Variants in GRID1 observed in about 807,000 individuals in gnomAD.
The protein encoded by GRID1 is glutamate receptor ionotropic, delta-1.
Under a neutral mutation model 98.0 loss-of-function variants are expected in GRID1, and 28 were observed. The observed-to-expected ratio is 0.29, with a 90% CI of 0.21 to 0.39. The LOEUF is 0.39. Among genes scored for constraint, GRID1 ranks in the 10% least tolerant of loss-of-function variants. GRID1 has a pLI of 1.00. For missense variants in GRID1, 1,111 were observed against 1,340.5 expected (o/e 0.83, Z 2.67); for synonymous variants, 553 against 538.5 (o/e 1.03, Z -0.37).
intron 3 of GRID1, among the ~76,000 whole-genome samples, chr10:86,170,372 C>T (rs1358842705): frequency 6.6e-6 from 1 of 152,236 alleles, no homozygotes; most frequent in Admixed American, 6.5e-5. Context: ...GTTGACTCCC[C>T]GGTAAAGTAG....
intron 12 of GRID1, among the ~76,000 whole-genome samples, chr10:85,703,685 G>A (rs1412706155): frequency 2.6e-5 from 4 of 152,066 alleles, no homozygotes; most frequent in African/African-American, 9.7e-5. Context: ...TTAACTTCAG[G>A]TAGGAGGTAA....
chr10:86,103,387 T>C (rs1844328235), intron 4 of GRID1, among the ~76,000 whole-genome samples: 1 of 152,094 alleles, frequency 6.6e-6, no homozygotes, highest in Non-Finnish European at 1.5e-5. Context: ...AGTCATTCCC[T>C]GTGAGCCTGT....
chr10:85,909,330 C>G (rs563264962), intron 5 of GRID1, among the ~76,000 whole-genome samples: 4 of 152,334 alleles, frequency 2.6e-5, no homozygotes, highest in Admixed American at 2.6e-4. Context: ...GAACTCTCAG[C>G]AACTTGGCAG....
chr10:85,626,545 T>C (rs1427220000), intron 13 of GRID1, among the ~76,000 whole-genome samples: 5 of 152,328 alleles, frequency 3.3e-5, no homozygotes, highest in South Asian at 4.1e-4. Flanking sequence ...CCCTTCTCTG[T>C]ACATCAGGGA....
intron 4 of GRID1, among the ~76,000 whole-genome samples, chr10:86,133,587 C>T (rs1844871236): frequency 6.6e-6 from 1 of 152,210 alleles, no homozygotes; most frequent in South Asian, 2.1e-4. Context: ...ATGTGCTGGC[C>T]TAGGAGTTGT....
intron 4 of GRID1, among the ~76,000 whole-genome samples, chr10:86,104,031 G>C (rs1844341560): frequency 6.6e-6 from 1 of 152,162 alleles, no homozygotes; most frequent in South Asian, 2.1e-4. Flanking sequence ...ACTCTCTTCA[G>C]CTACACACAT....
chr10:85,937,342 C>T (rs1589305414), intron 4 of GRID1, among the ~76,000 whole-genome samples: 1 of 152,194 alleles, frequency 6.6e-6, no homozygotes, highest in Non-Finnish European at 1.5e-5. Context: ...CCATTTTCAG[C>T]AGGGGAAAAA....
chr10:86,059,042 G>A lies in GRID1; in HGVS notation c.726+79777C>T, dbSNP rs1365085265. On this transcript the variant is annotated intron_variant, in intron 4 of 15. Coordinates refer to ENST00000327946, the MANE Select transcript of GRID1 (RefSeq NM_017551.3). ...AGGAAGTCACCAGAGATGGATATGA[G>A]CTCATGAGGAGGAGGAGGCAGGGGA... Among the ~76,000 whole-genome samples, 3 of 152,214 alleles carry A rather than the reference G, an allele frequency of 2.0e-5. No individual in the cohort carries two copies. The East Asian group carries it at 5.8e-4, about 29-fold the overall frequency.
chr10:86,154,249 T>C (rs181518404), intron 3 of GRID1, among the ~76,000 whole-genome samples: 33 of 152,308 alleles, frequency 2.2e-4, no homozygotes, highest in African/African-American at 7.9e-4. Flanking sequence ...CATTTATGGC[T>C]TATGAAGTCC....
At chr10:86,281,013 G>T (rs947317629) in intron 2 of GRID1, among the ~76,000 whole-genome samples, 6 of 152,142 alleles carry the variant, frequency 3.9e-5, no homozygotes, top group Non-Finnish European at 7.3e-5. Flanking sequence ...ACCTCGCCTG[G>T]AGCCAGGGGC....
At chr10:85,646,839 T>A (rs1843200163) in intron 13 of GRID1, 2 of 270,228 alleles carry the variant, frequency 7.4e-6, no homozygotes, top group East Asian at 8.1e-5. Flanking sequence ...CCCAACACCC[T>A]CCCTTCACTC....
chr10:85,879,769 A>G (rs1224752443), intron 5 of GRID1, among the ~76,000 whole-genome samples: 2 of 152,242 alleles, frequency 1.3e-5, no homozygotes, highest in African/African-American at 4.8e-5. Context: ...AATAACTAAT[A>G]TCAGAGCAGA....
intron 12 of GRID1, among the ~76,000 whole-genome samples, chr10:85,674,777 A>C (rs894374190): frequency 6.6e-6 from 1 of 151,838 alleles, no homozygotes; most frequent in Non-Finnish European, 1.5e-5. Flanking sequence ...ATTACCTGAC[A>C]CTGACATGCC....
chr10:86,281,385 C>T (rs1847355131), intron 2 of GRID1, among the ~76,000 whole-genome samples: 1 of 152,170 alleles, frequency 6.6e-6, no homozygotes, highest in Non-Finnish European at 1.5e-5. Flanking sequence ...TGGGGTACAG[C>T]AAGGTGGGCT....
chr10:85,699,125 T>G (rs1460757695), intron 12 of GRID1, among the ~76,000 whole-genome samples: 1 of 152,156 alleles, frequency 6.6e-6, no homozygotes, highest in African/African-American at 2.4e-5. Flanking sequence ...TGATCTCAGC[T>G]CACTGCAACC....
At chr10:86,135,168 C>G (rs541161596) in intron 4 of GRID1, among the ~76,000 whole-genome samples, 2 of 152,320 alleles carry the variant, frequency 1.3e-5, no homozygotes, top group East Asian at 3.9e-4. Context: ...GATGGGCTTG[C>G]ATGAGGAGAA....
At chr10:85,785,249 G>A (rs1649035648) in intron 8 of GRID1, among the ~76,000 whole-genome samples, 1 of 152,212 alleles carries the variant, frequency 6.6e-6, no homozygotes, top group Admixed American at 6.5e-5. Flanking sequence ...CACTATGCTG[G>A]TCTCTGAACA....
At chr10:86,238,869 C>T (rs1039061987) in intron 2 of GRID1, among the ~76,000 whole-genome samples, 15 of 152,124 alleles carry the variant, frequency 9.9e-5, no homozygotes, top group African/African-American at 3.6e-4. Flanking sequence ...AAGTCTGCTG[C>T]AGGGGCAGAG....
At chr10:85,770,942 C>G (rs981992125) in intron 8 of GRID1, among the ~76,000 whole-genome samples, 2 of 152,118 alleles carry the variant, frequency 1.3e-5, no homozygotes, top group African/African-American at 4.8e-5. Context: ...GCAAGGCAGG[C>G]CAACATTCAG....
Sources: gnomAD v4.1 joint callset for allele counts (sites outside exome capture counted in the v4.1 genomes callset) on GRCh38, gnomAD v4.1.1 for gene constraint, MANE v1.5 for transcripts, NCBI Gene and HGNC (gene_info 2026-07-23, HGNC 2026-07-21) for gene names.